Variants in GNB4 observed in about 807,000 individuals in gnomAD.
The protein encoded by GNB4 is guanine nucleotide-binding protein subunit beta-4.
Under a neutral mutation model 45.2 loss-of-function variants are expected in GNB4, and 28 were observed. The ratio of observed to expected loss-of-function variants is 0.62; its 90% CI spans 0.46 to 0.85. The LOEUF is 0.85. Among genes scored for constraint, GNB4 ranks in the 40% least tolerant of loss-of-function variants. The pLI, the probability that GNB4 is intolerant of heterozygous loss-of-function variation, is 0.00. For synonymous variants in GNB4, 132 were observed against 143.7 expected (o/e 0.92, Z 0.58); for missense variants, 321 against 425.4 (o/e 0.75, Z 2.16).
chr3:179,491,487 G>T, the GNB4 span, among the ~76,000 whole-genome samples: 3 of 152,284 alleles, frequency 2.0e-5, no homozygotes, highest in African/African-American at 4.8e-5. Flanking sequence ...TTAGCATTAG[G>T]TTGTCCCAGG....
chr3:179,432,008 C>T (rs1715324204), intron 1 of GNB4, among the ~76,000 whole-genome samples: 2 of 152,190 alleles, frequency 1.3e-5, no homozygotes, highest in South Asian at 4.1e-4. Context: ...CTCCACATTG[C>T]ACCATCACTT....
chr3:179,433,270 CAA>C (rs767311206), intron 1 of GNB4, among the ~76,000 whole-genome samples: 86 of 151,856 alleles, frequency 5.7e-4, no homozygotes, highest in African/African-American at 2.0e-3. Context: ...TAAAAAAAAA[CAA>C]AACCCAAAAA....
chr3:179,422,691 C>A (rs1281505280), intron 2 of GNB4, among the ~76,000 whole-genome samples: 1 of 152,074 alleles, frequency 6.6e-6, no homozygotes, highest in African/African-American at 2.4e-5. Context: ...TAAAACAAAT[C>A]ATCTATTATA....
At chr3:179,417,940 A>AT (rs1375720549) in intron 4 of GNB4, among the ~76,000 whole-genome samples, 2 of 152,178 alleles carry the variant, frequency 1.3e-5, no homozygotes, top group African/African-American at 4.8e-5. Context: ...CATCATCAGC[A>AT]TAAGAGTTGA....
chr3:179,405,236 A>G lies in GNB4; in HGVS notation c.870T>C (p.Asp290=). The change falls in exon 9 of 10, where the codon GAT becomes GAC. Residue 290 remains aspartate (D), a synonymous_variant. Transcript: ENST00000232564. ...KSGRLLLAGY[D]DFNCNVWDTL... is the part of the protein sequence containing the mutation. ...TGTCCCATACATTACAATTAAAGTC[A>G]TCGTAACCAGCCAACAAGAGACGCC... The G allele has an allele frequency of 1.9e-6, 3 of 1,614,186 alleles. No homozygotes were observed. Among genetic ancestry groups the G allele is most frequent in the South Asian group, 2.2e-5 (2 of 91,090 alleles).
At chr3:179,420,303 GT>G (rs769305965) in intron 3 of GNB4, among the ~76,000 whole-genome samples, 2,287 of 137,966 alleles carry the variant, frequency 0.017, 46 homozygotes, top group South Asian at 0.063. Flanking sequence ...TAACTTTCAT[GT>G]TTTTTTTTTT....
chr3:179,458,169 C>T, the GNB4 span, among the ~76,000 whole-genome samples: 11 of 152,274 alleles, frequency 7.2e-5, no homozygotes, highest in East Asian at 2.1e-3. Flanking sequence ...TCCCAAAGTG[C>T]TGGGATTACA....
chr3:179,406,154 T>C (rs906973448), intron 8 of GNB4, among the ~76,000 whole-genome samples: 3 of 152,192 alleles, frequency 2.0e-5, no homozygotes, highest in Admixed American at 6.5e-5. Flanking sequence ...AATAGTAATA[T>C]AGTAATATTA....
intron 5 of GNB4, among the ~76,000 whole-genome samples, chr3:179,416,053 C>T (rs904791492): frequency 1.1e-4 from 17 of 152,002 alleles, no homozygotes; most frequent in African/African-American, 2.4e-4. Flanking sequence ...AAGAGATCTA[C>T]GTAAGTTGTC....
intron 9 of GNB4, among the ~76,000 whole-genome samples, chr3:179,404,797 G>A (rs1714415520): frequency 6.6e-6 from 1 of 152,102 alleles, no homozygotes; most frequent in South Asian, 2.1e-4. Flanking sequence ...AGGGTATGGG[G>A]CTAAGGGAAG....
At chr3:179,526,012 G>T in the GNB4 span, among the ~76,000 whole-genome samples, 1 of 152,318 alleles carries the variant, frequency 6.6e-6, no homozygotes, top group South Asian at 2.1e-4. Flanking sequence ...TGAGCAACAA[G>T]GCTGTTTATT....
the GNB4 span, among the ~76,000 whole-genome samples, chr3:179,496,285 T>C: frequency 6.6e-6 from 1 of 152,042 alleles, no homozygotes; most frequent in Non-Finnish European, 1.5e-5. Context: ...GTAAGCCTTA[T>C]GGTAACAATA....
At chr3:179,524,937 A>G in the GNB4 span, among the ~76,000 whole-genome samples, 1 of 152,088 alleles carries the variant, frequency 6.6e-6, no homozygotes, top group African/African-American at 2.4e-5. Flanking sequence ...GAAGGATTAT[A>G]GGGTATGGGA....
intron 1 of GNB4, among the ~76,000 whole-genome samples, chr3:179,428,441 T>C (rs1715207577): frequency 6.6e-6 from 1 of 152,190 alleles, no homozygotes; most frequent in Non-Finnish European, 1.5e-5. Flanking sequence ...ACAAGCAGCA[T>C]GCGGGCTCTT....
the GNB4 span, among the ~76,000 whole-genome samples, chr3:179,520,708 A>C: frequency 2.6e-4 from 40 of 152,048 alleles, no homozygotes; most frequent in African/African-American, 9.7e-4. Flanking sequence ...CCCAGACTTC[A>C]ATCCGGCCTC....
chr3:179,470,904 G>T, the GNB4 span, among the ~76,000 whole-genome samples: 1 of 152,186 alleles, frequency 6.6e-6, no homozygotes, highest in African/African-American at 2.4e-5. Flanking sequence ...AGTAGGCCGG[G>T]CGCCGTGGCT....
At chr3:179,456,107 CT>C (rs10603569), upstream of GNB4, among the ~76,000 whole-genome samples, 6,087 of 122,594 alleles carry the variant, frequency 0.05, 321 homozygotes, top group African/African-American at 0.13. Context: ...GGGACATAGA[CT>C]TTTTTTTTTT....
chr3:179,473,554 G>C, the GNB4 span, among the ~76,000 whole-genome samples: 5 of 152,012 alleles, frequency 3.3e-5, no homozygotes, highest in African/African-American at 1.2e-4. Context: ...TCCCACCTCA[G>C]CCTCCCAAAG....
chr3:179,519,371 A>G, the GNB4 span, among the ~76,000 whole-genome samples: 3 of 152,250 alleles, frequency 2.0e-5, no homozygotes, highest in East Asian at 1.9e-4. Context: ...CCTCTAGACC[A>G]TAACAGACAC....
Sources: gnomAD v4.1 joint callset for allele counts (sites outside exome capture counted in the v4.1 genomes callset) on GRCh38, gnomAD v4.1.1 for gene constraint, MANE v1.5 for transcripts, NCBI Gene and HGNC (gene_info 2026-07-23, HGNC 2026-07-21) for gene names.